The following RBFOX1 variants were observed in gnomAD, a reference collection of about 807,000 sequenced individuals.
RBFOX1 encodes RNA binding protein fox-1 homolog 1.
RBFOX1 carries 8 observed loss-of-function variants against 57.7 expected under a neutral mutation model. The observed-to-expected ratio is 0.14, with a 90% CI of 0.08 to 0.25. RBFOX1 has a LOEUF of 0.25. Among genes scored for constraint, RBFOX1 ranks in the 10% least tolerant of loss-of-function variants. The pLI is 1.00. For synonymous variants in RBFOX1, 326 were observed against 222.4 expected (o/e 1.47, Z -4.15); for missense variants, 611 against 548.5 (o/e 1.11, Z -1.14).
chr16:6,613,705 G>C (rs1442327049), intron 2 of RBFOX1, among the ~76,000 whole-genome samples: 2 of 152,314 alleles, frequency 1.3e-5, no homozygotes, highest in Non-Finnish European at 2.9e-5. Context: ...TAAGTACCAA[G>C]GAGGGCAGAT....
intron 3 of RBFOX1, among the ~76,000 whole-genome samples, chr16:6,855,426 C>T (rs991002746): frequency 6.6e-6 from 1 of 151,796 alleles, no homozygotes; most frequent in African/African-American, 2.4e-5. Flanking sequence ...GTGAGGCGGG[C>T]GGATCATGAG....
At chr16:6,698,391 C>G (rs1337429160) in intron 3 of RBFOX1, among the ~76,000 whole-genome samples, 1 of 152,154 alleles carries the variant, frequency 6.6e-6, no homozygotes, top group African/African-American at 2.4e-5. Context: ...GATGGTTTAG[C>G]TACAAAAACT....
At chr16:6,937,758 T>G (rs531000616) in intron 3 of RBFOX1, among the ~76,000 whole-genome samples, 42 of 151,788 alleles carry the variant, frequency 2.8e-4, no homozygotes, top group Non-Finnish European at 4.3e-4. Flanking sequence ...GAGACCAAAG[T>G]TTTATCGTGT....
At chr16:5,380,683 T>C (rs1222324416) in intron 1 of RBFOX1, among the ~76,000 whole-genome samples, 1 of 152,216 alleles carries the variant, frequency 6.6e-6, no homozygotes, top group African/African-American at 2.4e-5. Flanking sequence ...ATGAGGAAAC[T>C]GAGTCACAGA....
intron 4 of RBFOX1, among the ~76,000 whole-genome samples, chr16:7,119,335 A>T (rs1351596072): frequency 6.6e-6 from 1 of 152,164 alleles, no homozygotes; most frequent in African/African-American, 2.4e-5. Context: ...GAGTCATCAG[A>T]CTTGTGGAAC....
At chr16:7,545,686 C>G (rs2084274191) in intron 5 of RBFOX1, among the ~76,000 whole-genome samples, 1 of 152,082 alleles carries the variant, frequency 6.6e-6, no homozygotes, top group African/African-American at 2.4e-5. Flanking sequence ...GACACGGTGA[C>G]TTGATTTACC....
chr16:7,346,473 G>C (rs1054757219), intron 4 of RBFOX1, among the ~76,000 whole-genome samples: 1 of 151,994 alleles, frequency 6.6e-6, no homozygotes, highest in African/African-American at 2.4e-5. Flanking sequence ...CTGCTTTCTG[G>C]CTTCACACCT....
At chr16:7,407,532 G>C (rs1686879847) in intron 4 of RBFOX1, among the ~76,000 whole-genome samples, 1 of 152,104 alleles carries the variant, frequency 6.6e-6, no homozygotes, top group African/African-American at 2.4e-5. Flanking sequence ...ATGTTGCCTG[G>C]TAAGTGGGGT....
intron 3 of RBFOX1, among the ~76,000 whole-genome samples, chr16:6,705,904 A>C (rs530573637): frequency 2.0e-5 from 3 of 152,122 alleles, no homozygotes; most frequent in African/African-American, 7.2e-5. Context: ...TCTAGTCCCA[A>C]CTACTCAGGA....
intron 3 of RBFOX1, among the ~76,000 whole-genome samples, chr16:6,995,646 G>A (rs1039743055): frequency 1.3e-5 from 2 of 152,122 alleles, no homozygotes; most frequent in African/African-American, 4.8e-5. Context: ...TGTAATCCCA[G>A]CTACTCAGAA....
chr16:6,495,034 T>TCAA (rs1350156795), intron 2 of RBFOX1, among the ~76,000 whole-genome samples: 2 of 152,172 alleles, frequency 1.3e-5, no homozygotes, highest in African/African-American at 4.8e-5. Context: ...GATTATACAG[T>TCAA]CATCACCACT....
chr16:7,170,615 C>T (rs2080499294), intron 4 of RBFOX1, among the ~76,000 whole-genome samples: 1 of 152,190 alleles, frequency 6.6e-6, no homozygotes, highest in South Asian at 2.1e-4. Flanking sequence ...GTTTAATTCT[C>T]ACATCTTAGA....
chr16:7,008,257 T>G (rs2093415404), intron 3 of RBFOX1, among the ~76,000 whole-genome samples: 1 of 152,118 alleles, frequency 6.6e-6, no homozygotes, highest in African/African-American at 2.4e-5. Flanking sequence ...AAAGTAAAAT[T>G]CAGGCCAGGT....
At chr16:6,470,789 T>G (rs2095156246) in intron 2 of RBFOX1, among the ~76,000 whole-genome samples, 1 of 152,192 alleles carries the variant, frequency 6.6e-6, no homozygotes, top group Non-Finnish European at 1.5e-5. Context: ...ACACTTGTTT[T>G]TATCCTTTTT....
intron 2 of RBFOX1, among the ~76,000 whole-genome samples, chr16:6,372,037 G>A (rs2090500211): frequency 1.3e-5 from 2 of 152,226 alleles, no homozygotes; most frequent in Admixed American, 6.5e-5. Flanking sequence ...TGGGTGAAAC[G>A]ATGGTTGAAT....
intron 3 of RBFOX1, among the ~76,000 whole-genome samples, chr16:6,778,587 T>C (rs897550363): frequency 1.3e-5 from 2 of 152,260 alleles, no homozygotes; most frequent in East Asian, 3.9e-4. Context: ...TTCCTTGAAC[T>C]GAAATCCAAA....
At chr16:7,538,578 C>G (rs1601284084) in intron 5 of RBFOX1, among the ~76,000 whole-genome samples, 1 of 152,106 alleles carries the variant, frequency 6.6e-6, no homozygotes, top group Non-Finnish European at 1.5e-5. Context: ...AGAATGTTAT[C>G]TTGTAGGAGA....
chr16:5,266,041 G>C (rs57040287), intron 1 of RBFOX1, among the ~76,000 whole-genome samples: 46,966 of 132,770 alleles, frequency 0.35, 7,824 homozygotes, highest in South Asian at 0.48. Flanking sequence ...GCACCAGGCT[G>C]ATTAAAAAAA....
At chr16:5,733,011 A>G (rs1172037797) in intron 3 of RBFOX1, among the ~76,000 whole-genome samples, 1 of 152,188 alleles carries the variant, frequency 6.6e-6, no homozygotes, top group Non-Finnish European at 1.5e-5. Context: ...ATATGATCTT[A>G]CACATTTTTG....
Sources: gnomAD v4.1 joint callset for allele counts (sites outside exome capture counted in the v4.1 genomes callset) on GRCh38, gnomAD v4.1.1 for gene constraint, MANE v1.5 for transcripts, NCBI Gene and HGNC (gene_info 2026-07-23, HGNC 2026-07-21) for gene names.